The following AFAP1 variants were observed in gnomAD, a reference collection of about 807,000 sequenced individuals.
AFAP1 encodes the protein actin filament-associated protein 1.
AFAP1 carries 75 observed loss-of-function variants against 93.9 expected under a neutral mutation model. The ratio of observed to expected loss-of-function variants is 0.80; its 90% CI spans 0.66 to 0.97. The LOEUF (loss-of-function observed/expected upper bound fraction) is 0.97. AFAP1 is among the 50% of genes least tolerant of loss of function. The probability of loss-of-function intolerance (pLI) is 0.00; values close to 1 mark genes in which losing one functional copy is unlikely to be tolerated. For missense variants in AFAP1, 1,201 were observed against 1,050.8 expected (o/e 1.14, Z -1.98); for synonymous variants, 517 against 430.7 (o/e 1.20, Z -2.48).
At chr4:7,897,267 T>C (rs1718838515) in intron 1 of AFAP1, among the ~76,000 whole-genome samples, 1 of 151,988 alleles carries the variant, frequency 6.6e-6, no homozygotes, top group Non-Finnish European at 1.5e-5. Flanking sequence ...GACATCAGAG[T>C]AAATTCAGTT....
intron 11 of AFAP1, among the ~76,000 whole-genome samples, chr4:7,792,397 T>A (rs1260471320): frequency 6.6e-6 from 1 of 152,164 alleles, no homozygotes; most frequent in African/African-American, 2.4e-5. Flanking sequence ...AGTCTATGGG[T>A]GCTGAGTAGC....
At chr4:7,816,914 T>G (rs1360149334) in intron 7 of AFAP1, among the ~76,000 whole-genome samples, 2 of 152,164 alleles carry the variant, frequency 1.3e-5, no homozygotes, top group Non-Finnish European at 2.9e-5. Flanking sequence ...CAGTGCCACT[T>G]AGTGGGAAGC....
rs555926943 is a variant in AFAP1, at chr4:7,881,895, A to G, written c.-2-9815T>C. The stretch of plus-strand genomic sequence containing the variant: ...GACCTTGGGTAAGTAGCCCCCCCAA[A>G]TTATCTCATCCTTAAAGCGAGATGG... On this transcript the variant is annotated intron_variant, in intron 1 of 17. Transcript: ENST00000420658. Among the ~76,000 whole-genome samples, 76 of 152,302 alleles carry G rather than the reference A, an allele frequency of 5.0e-4. 1 individual carries two copies. Among genetic ancestry groups the G allele is most frequent in the African/African-American group, 1.8e-3 (74 of 41,574 alleles).
intron 3 of AFAP1, among the ~76,000 whole-genome samples, chr4:7,861,262 T>C (rs1227442170): frequency 6.6e-6 from 1 of 152,238 alleles, no homozygotes; most frequent in African/African-American, 2.4e-5. Flanking sequence ...TTCTAACTGA[T>C]GTATTTCAGC....
chr4:7,773,280 G>A, intron 15 of AFAP1: 1 of 422,704 alleles, frequency 2.4e-6, no homozygotes, highest in Non-Finnish European at 4.2e-6. Context: ...CTGGCTCTGG[G>A]CCTCAATGTT....
intron 11 of AFAP1, among the ~76,000 whole-genome samples, chr4:7,791,046 T>G: frequency 6.6e-6 from 1 of 152,220 alleles, no homozygotes; most frequent in Non-Finnish European, 1.5e-5. Flanking sequence ...GAGTATCCAT[T>G]CACCATTCAA....
chr4:7,823,718 A>C (rs562378643), intron 6 of AFAP1, among the ~76,000 whole-genome samples: 1 of 152,312 alleles, frequency 6.6e-6, no homozygotes, highest in Admixed American at 6.5e-5. Context: ...GAACACAGAC[A>C]AGCCAGCCAC....
chr4:7,908,723 T>C (rs189832964), intron 1 of AFAP1, among the ~76,000 whole-genome samples: 31 of 152,296 alleles, frequency 2.0e-4, no homozygotes, highest in Admixed American at 7.8e-4. Flanking sequence ...ACAGGCTAGA[T>C]TGATGAGAGA....
chr4:7,911,057 C>A (rs765899600), intron 1 of AFAP1, among the ~76,000 whole-genome samples: 2 of 151,966 alleles, frequency 1.3e-5, no homozygotes, highest in African/African-American at 2.4e-5. Flanking sequence ...CATAAACGCA[C>A]GGGACACACA....
chr4:7,889,559 GA>G (rs373929691), intron 1 of AFAP1, among the ~76,000 whole-genome samples: 9,171 of 113,390 alleles, frequency 0.081, 359 homozygotes, highest in East Asian at 0.13. Flanking sequence ...AAAAAAAAAA[GA>G]AAAAAAAAAA....
intron 6 of AFAP1, among the ~76,000 whole-genome samples, chr4:7,822,882 T>G (rs1721097054): frequency 6.6e-6 from 1 of 150,968 alleles, no homozygotes; most frequent in South Asian, 2.1e-4. Context: ...CGTGAGCCAC[T>G]GCGCCCGGCC....
At position 7,876,461 on chromosome 4, in the gene AFAP1, T is replaced by A. The variant is rs184469868; in HGVS notation, c.-2-4381A>T. 3.4e-4 allele frequency among the ~76,000 whole-genome samples: 52 copies of A among 152,308 alleles called. No homozygotes were observed. In the South Asian group the frequency reaches 3.9e-3, roughly 12 times the overall value. On this transcript the variant is annotated intron_variant, in intron 1 of 17. Transcript: ENST00000420658. ...TGAAGACTAAGAAACAGGATTCGGT[T>A]GGGATGGTCTCTTGAACTGAAAATA...
At chr4:7,909,280 T>G (rs4487321) in intron 1 of AFAP1, among the ~76,000 whole-genome samples, 1 of 152,088 alleles carries the variant, frequency 6.6e-6, no homozygotes, top group Non-Finnish European at 1.5e-5. Flanking sequence ...TTTATATAAG[T>G]TTAAAAACTT....
chr4:7,914,189 G>C (rs1413093298), intron 1 of AFAP1, among the ~76,000 whole-genome samples: 3 of 151,902 alleles, frequency 2.0e-5, no homozygotes, highest in African/African-American at 7.3e-5. Flanking sequence ...CTGGTAGCTG[G>C]GGTTACAGGC....
intron 4 of AFAP1, among the ~76,000 whole-genome samples, chr4:7,848,042 T>C (rs764189875): frequency 6.0e-5 from 9 of 149,662 alleles, no homozygotes; most frequent in Non-Finnish European, 1.2e-4. Context: ...GATCGATGTA[T>C]GGATGGATGG....
intron 11 of AFAP1, among the ~76,000 whole-genome samples, chr4:7,788,188 G>A (rs183406358): frequency 6.6e-6 from 1 of 152,358 alleles, no homozygotes. Flanking sequence ...AAATCCCAGG[G>A]AAGGGACCAC....
chr4:7,855,808 T>A (rs1714987206), intron 3 of AFAP1, among the ~76,000 whole-genome samples: 1 of 152,052 alleles, frequency 6.6e-6, no homozygotes, highest in South Asian at 2.1e-4. Context: ...TCACACCAAA[T>A]CTCCAGGTTC....
At chr4:7,910,570 A>G (rs538284677) in intron 1 of AFAP1, among the ~76,000 whole-genome samples, 2 of 152,258 alleles carry the variant, frequency 1.3e-5, no homozygotes, top group South Asian at 4.1e-4. Context: ...GTGGGGCAAC[A>G]GACTACACTC....
At chr4:7,870,235 T>G (rs1332942754) in intron 2 of AFAP1, among the ~76,000 whole-genome samples, 1 of 152,186 alleles carries the variant, frequency 6.6e-6, no homozygotes, top group Non-Finnish European at 1.5e-5. Context: ...AGTTTAACTT[T>G]GAAGTTCATA....
Sources: allele counts gnomAD v4.1 joint callset (sites outside exome capture counted in the v4.1 genomes callset), GRCh38; gene constraint gnomAD v4.1.1; transcripts MANE v1.5; gene names NCBI Gene and HGNC (gene_info 2026-07-23, HGNC 2026-07-21).